Variants in SCHIP1 observed in about 807,000 individuals in gnomAD.
SCHIP1 encodes the protein schwannomin interacting protein 1.
Under a neutral mutation model 29.7 loss-of-function variants are expected in SCHIP1, and 8 were observed. The ratio of observed to expected loss-of-function variants is 0.27; its 90% CI spans 0.16 to 0.49. The LOEUF is 0.49. Ranked by LOEUF, SCHIP1 falls within the 20% of genes least tolerant of loss-of-function variation. The pLI, the probability that SCHIP1 is intolerant of heterozygous loss-of-function variation, is 0.99. For missense variants in SCHIP1, 193 were observed against 294.6 expected, an observed-to-expected ratio of 0.66 and a Z score of 2.52; for synonymous variants, 76 against 94.9, an observed-to-expected ratio of 0.80 and a Z score of 1.16.
At chr3:159,508,203 AT>A in the SCHIP1 span, among the ~76,000 whole-genome samples, 2 of 152,130 alleles carry the variant, frequency 1.3e-5, no homozygotes, top group African/African-American at 4.8e-5. Context: ...GGGAGGGTGT[AT>A]GTGTCGAGGA....
chr3:159,405,646 A>T, the SCHIP1 span, among the ~76,000 whole-genome samples: 1 of 152,124 alleles, frequency 6.6e-6, no homozygotes, highest in Non-Finnish European at 1.5e-5. Flanking sequence ...TGGGAGGCCG[A>T]GGCAGGCAGA....
chr3:159,664,160 A>AG, the SCHIP1 span, among the ~76,000 whole-genome samples: 8 of 152,324 alleles, frequency 5.3e-5, no homozygotes, highest in East Asian at 1.2e-3. Context: ...GTAGGAGGAA[A>AG]GGACATTTCA....
chr3:159,593,880 G>T, the SCHIP1 span, among the ~76,000 whole-genome samples: 4 of 152,200 alleles, frequency 2.6e-5, no homozygotes, highest in African/African-American at 7.2e-5. Context: ...TAGGGCAAAA[G>T]CCCCCTGGCT....
the SCHIP1 span, among the ~76,000 whole-genome samples, chr3:159,353,577 A>G: frequency 1.3e-5 from 2 of 152,202 alleles, no homozygotes; most frequent in Non-Finnish European, 2.9e-5. Context: ...TACAAAACTT[A>G]CTTGTCTGTC....
At chr3:159,839,292 A>ATAG (rs1743978855), upstream of SCHIP1, among the ~76,000 whole-genome samples, 1 of 144,138 alleles carries the variant, frequency 6.9e-6, no homozygotes, top group African/African-American at 2.6e-5. Context: ...CTTACATTAA[A>ATAG]AAAAAAAAAA....
chr3:159,734,474 T>G, the SCHIP1 span, among the ~76,000 whole-genome samples: 1 of 152,040 alleles, frequency 6.6e-6, no homozygotes, highest in East Asian at 1.9e-4. Context: ...AGTCAAGGTA[T>G]TTCCAACGAA....
At chr3:159,470,780 C>T in the SCHIP1 span, among the ~76,000 whole-genome samples, 10 of 151,950 alleles carry the variant, frequency 6.6e-5, no homozygotes, top group East Asian at 1.9e-4. Flanking sequence ...CCACAAACTG[C>T]GACTACTACT....
At chr3:159,485,385 T>C in the SCHIP1 span, among the ~76,000 whole-genome samples, 4 of 152,132 alleles carry the variant, frequency 2.6e-5, no homozygotes, top group African/African-American at 9.7e-5. Context: ...AGTAAGCACG[T>C]AGCAAATGTC....
chr3:159,409,273 G>A, the SCHIP1 span, among the ~76,000 whole-genome samples: 1 of 151,856 alleles, frequency 6.6e-6, no homozygotes, highest in African/African-American at 2.4e-5. Flanking sequence ...ATATAATGCT[G>A]GAATTCCTAG....
the SCHIP1 span, among the ~76,000 whole-genome samples, chr3:159,454,183 G>A: frequency 1.5e-3 from 222 of 152,332 alleles, 1 homozygote; most frequent in African/African-American, 5.1e-3. Context: ...AACAATGCCT[G>A]GGTACTATCC....
At chr3:159,566,281 AG>A in the SCHIP1 span, among the ~76,000 whole-genome samples, 1 of 152,200 alleles carries the variant, frequency 6.6e-6, no homozygotes, top group Non-Finnish European at 1.5e-5. Context: ...TATTTCACAA[AG>A]GTGAAAAGAT....
the SCHIP1 span, among the ~76,000 whole-genome samples, chr3:159,300,901 A>G: frequency 6.6e-6 from 1 of 152,176 alleles, no homozygotes; most frequent in South Asian, 2.1e-4. Flanking sequence ...ATTTTGTGAG[A>G]TATGCTGTTT....
At chr3:159,539,057 G>C in the SCHIP1 span, among the ~76,000 whole-genome samples, 2 of 151,990 alleles carry the variant, frequency 1.3e-5, no homozygotes, top group African/African-American at 4.8e-5. Flanking sequence ...ATGGCTAATA[G>C]TAAGAATAGC....
chr3:159,420,552 G>T, the SCHIP1 span, among the ~76,000 whole-genome samples: 1 of 152,168 alleles, frequency 6.6e-6, no homozygotes, highest in Non-Finnish European at 1.5e-5. Flanking sequence ...AATGCTTGTG[G>T]ATGATTGCCA....
intron 1 of SCHIP1, among the ~76,000 whole-genome samples, chr3:159,846,847 T>C (rs1711909709): frequency 6.6e-6 from 1 of 151,026 alleles, no homozygotes; most frequent in Non-Finnish European, 1.5e-5. Flanking sequence ...TTGAAATCAA[T>C]AAAAAAATTT....
the SCHIP1 span, among the ~76,000 whole-genome samples, chr3:159,643,480 G>A: frequency 2.6e-5 from 4 of 152,010 alleles, no homozygotes; most frequent in Non-Finnish European, 5.9e-5. Flanking sequence ...ATACTCACAT[G>A]GCACAATCAG....
At chr3:159,814,806 G>A in the SCHIP1 span, among the ~76,000 whole-genome samples, 1 of 152,190 alleles carries the variant, frequency 6.6e-6, no homozygotes, top group Non-Finnish European at 1.5e-5. Context: ...TTGTGGCTTT[G>A]TGATTCTAGA....
chr3:159,720,107 T>A, the SCHIP1 span, among the ~76,000 whole-genome samples: 2 of 152,016 alleles, frequency 1.3e-5, no homozygotes, highest in Non-Finnish European at 2.9e-5. Context: ...AAACCATCAT[T>A]CTGAGCAAAC....
the SCHIP1 span, among the ~76,000 whole-genome samples, chr3:159,624,114 G>A: frequency 6.6e-6 from 1 of 152,048 alleles, no homozygotes; most frequent in African/African-American, 2.4e-5. Flanking sequence ...AATATATAAT[G>A]GTTACTCTTT....
Sources: gnomAD v4.1 joint callset for allele counts (sites outside exome capture counted in the v4.1 genomes callset) on GRCh38, gnomAD v4.1.1 for gene constraint, MANE v1.5 for transcripts, NCBI Gene and HGNC (gene_info 2026-07-23, HGNC 2026-07-21) for gene names.